GUF1: variants seen among roughly 807,000 people sequenced by gnomAD.
The protein encoded by GUF1 is GTP binding elongation factor GUF1.
In GUF1, 78 loss-of-function variants were observed where a neutral mutation model predicts 82.4. The observed-to-expected ratio is 0.95, with a 90% CI of 0.79 to 1.14. The LOEUF (loss-of-function observed/expected upper bound fraction) is 1.14, where lower values mean the gene tolerates loss of function less well. Ranked by LOEUF, GUF1 falls within the 50% of genes most tolerant of loss-of-function variation. The probability of loss-of-function intolerance (pLI) is 0.00; values close to 1 mark genes in which losing one functional copy is unlikely to be tolerated. For synonymous variants in GUF1, 279 were observed against 282.3 expected, an observed-to-expected ratio of 0.99 and a Z score of 0.12; for missense variants, 814 against 798.2, an observed-to-expected ratio of 1.02 and a Z score of -0.24.
intron 9 of GUF1, among the ~76,000 whole-genome samples, chr4:44,688,403 ATTTC>A (rs149943668): frequency 0.012 from 1,857 of 151,904 alleles, 14 homozygotes; most frequent in Middle Eastern, 0.041. Context: ...AGTAATATAA[ATTTC>A]TTTCTTATTT....
rs1716093208 is a variant in GUF1, at chr4:44,699,642, A to G, written c.*961A>G. 1 of 152,220 alleles carries G rather than the reference A, an allele frequency of 6.6e-6. No individual in the cohort carries two copies. 9.4% of individuals were successfully genotyped at this position (152,220 alleles called of 1,614,324 possible). A position where few individuals can be genotyped will look rare whatever the true frequency, so the allele number is the denominator to read the frequency against. ...TTTTCAGAATCACCTTAAGTGTCAA[A>G]TTTGTTAGCAGGATTAATTGATATG... On this transcript the variant is annotated 3_prime_UTR_variant, in exon 17 of 17. Coordinates refer to ENST00000281543, the MANE Select transcript of GUF1 (RefSeq NM_021927.3).
In GUF1 at chr4:44,686,350, T is replaced by G. The variant is rs576915538; in HGVS notation, c.735-160T>G. 2.6e-5 allele frequency among the ~76,000 whole-genome samples: 4 copies of G among 152,124 alleles called. No homozygotes were observed. The South Asian group carries it at 8.3e-4, about 32-fold the overall frequency. Reference sequence around the variant, plus strand: ...ATAAATAATTTGTTAAAACTAGAGGTTATTAAATCTAATATATTTTATAAA... The same window carrying G: ...ATAAATAATTTGTTAAAACTAGAGGGTATTAAATCTAATATATTTTATAAA... On this transcript the variant is annotated intron_variant, in intron 7 of 16. Coordinates refer to ENST00000281543, the MANE Select transcript of GUF1 (RefSeq NM_021927.3).
rs573136325 is a variant in GUF1, at chr4:44,695,851, C to G, written c.1835+117C>G. On this transcript the variant is annotated intron_variant, in intron 15 of 16. Transcript: ENST00000281543. ...GCCTAAGCTTTCTTACTTGTAGAAA[C>G]AGTATGATGGTGCTCTCCAGTTTTC... The G allele has an allele frequency of 2.5e-5, 25 of 1,005,246 alleles. 1 individual carries two copies. The South Asian group carries it at 3.6e-4, about 14-fold the overall frequency. The allele number at this position is 1,005,246 out of a possible 1,614,324, so 62.3% of individuals were successfully genotyped here.
chr4:44,694,292 A>C lies in GUF1; in HGVS notation c.1614-120A>C, dbSNP rs752613167. The C allele has an allele frequency of 1.4e-3, 924 of 663,884 alleles. 1 individual carries two copies. Among genetic ancestry groups the C allele is most frequent in the Non-Finnish European group, 2.3e-3 (859 of 371,844 alleles). 41.1% of individuals were successfully genotyped at this position (663,884 alleles called of 1,614,324 possible). On this transcript the variant is annotated intron_variant, in intron 13 of 16. Transcript: ENST00000281543. ...ACTGTATATGTAATATTTTGATGGAAACATATCTCTTTGGGGAGTGTAATG... is the reference window on the plus strand; with the variant it reads ...ACTGTATATGTAATATTTTGATGGACACATATCTCTTTGGGGAGTGTAATG...
intron 4 of GUF1, 170 bp from the exon 5 acceptor site, chr4:44,682,164 A>G (rs897712281): frequency 8.0e-5 from 32 of 397,632 alleles, no homozygotes; most frequent in Non-Finnish European, 1.4e-4. Flanking sequence ...CCCCAAAGAC[A>G]TAAGTTGGAG....
In GUF1 at chr4:44,688,059, G is replaced by A; in HGVS notation, c.991G>A (p.Ala331Thr). ...TGCTGGGATGAAAGATGTCACTGAA[G>A]CGCAAATAGGAGATACATTATGTTT... is the stretch of plus-strand genomic sequence containing the variant. ...LIAGMKDVTE[A>T]QIGDTLCLHK... The change falls in exon 9 of 17, where the codon GCG (alanine) becomes ACG (threonine). Residue 331 changes from alanine (A) to threonine (T), a missense_variant. Transcript: ENST00000281543. 6.2e-7 allele frequency: 1 copy of A among 1,612,424 alleles called. No individual in the cohort carries two copies. Among genetic ancestry groups the A allele is most frequent in the Non-Finnish European group, 8.5e-7 (1 of 1,178,770 alleles).
chr4:44,681,203 G>C lies in GUF1; in HGVS notation c.507G>C (p.Glu169Asp). 6.2e-7 allele frequency: 1 copy of C among 1,605,052 alleles called. No homozygotes were observed. Among genetic ancestry groups the C allele is most frequent in the South Asian group, 1.1e-5 (1 of 90,888 alleles). ...TTTTACTTGTGGTTGATGCAAATGA[G>C]GTAGGTATTTTTCATTTTGTATGAT... ...QGVLLVVDAN[E>D]GIQAQTVANF... Residue 169 changes from glutamate to aspartate, a missense_variant and splice_region_variant, in exon 4 of 17, where the codon GAG (glutamate) becomes GAC (aspartate). Physicochemically the swap from Glu to Asp is conservative, Grantham distance 45. Coordinates refer to ENST00000281543, the MANE Select transcript of GUF1 (RefSeq NM_021927.3).
At chr4:44,681,291 GA>G in intron 4 of GUF1, 88 bp downstream of exon 4, 1 of 939,980 alleles carries the variant, frequency 1.1e-6, no homozygotes, top group East Asian at 2.4e-5. Flanking sequence ...TTTGGAAATA[GA>G]ATTTTTGTGT....
Position 44,680,644 on chromosome 4 carries a change from C to CT in GUF1, c.278-40dup, listed in dbSNP as rs754058609. The stretch of plus-strand genomic sequence containing the variant: ...ATTTTAATTTTATAAGTAATATTCT[C>CT]TTTTTTTTTTAAAGCCCAGAGAAAT... On this transcript the variant is annotated intron_variant, in intron 2 of 16. Coordinates refer to ENST00000281543, the MANE Select transcript of GUF1 (RefSeq NM_021927.3). 8,416 of 1,205,270 alleles carry CT rather than the reference C, an allele frequency of 7.0e-3. 1 individual carries two copies. Among genetic ancestry groups the CT allele is most frequent in the South Asian group, 9.7e-3 (566 of 58,310 alleles). 74.7% of individuals were successfully genotyped at this position (1,205,270 alleles called of 1,614,324 possible).
rs1409736634 is a variant in GUF1, at chr4:44,685,950, T to C, written c.670-9T>C. ...TAAATGCTTATATTTTTCACATGTA[T>C]CTTTTTAGATTTCTGCTAAACTTGG... On this transcript the variant is annotated splice_polypyrimidine_tract_variant and intron_variant, in intron 6 of 16. Transcript: ENST00000281543. 6.3e-7 allele frequency: 1 copy of C among 1,578,664 alleles called. No individual in the cohort carries two copies. The highest frequency in any genetic ancestry group is 1.1e-5 in the South Asian group (1 of 90,284).
chr4:44,694,450 T>G lies in GUF1; in HGVS notation c.1652T>G (p.Leu551Arg). 6.2e-7 allele frequency: 1 copy of G among 1,612,764 alleles called. No homozygotes were observed. The highest frequency in any genetic ancestry group is 8.5e-7 in the Non-Finnish European group (1 of 1,179,144). ...YEDAGYQTAELVKMDILLNGN... is the reference protein window; with the variant it reads ...YEDAGYQTAERVKMDILLNGN... ...GATGCAGGCTACCAGACTGCAGAACTTGTAAAAATGGATATTCTACTGAAT... is the reference window on the plus strand; with the variant it reads ...GATGCAGGCTACCAGACTGCAGAACGTGTAAAAATGGATATTCTACTGAAT... Residue 551 changes from leucine to arginine, a missense_variant, in exon 14 of 17, where the codon CTT becomes CGT. By Grantham distance (102) the Leu-to-Arg change is moderately radical. Coordinates refer to ENST00000281543, the MANE Select transcript of GUF1 (RefSeq NM_021927.3).
In GUF1 at chr4:44,689,369, G is replaced by A. The variant is rs150129693; in HGVS notation, c.1162G>A (p.Val388Ile). Residue 388 changes from valine (V) to isoleucine (I), a missense_variant, in exon 10 of 17, where the codon GTT becomes ATT. Transcript: ENST00000281543. ...KLTLNDSSVT[V>I]HRDSSLALGA... ...GACTTTAAATGATTCCAGTGTGACC[G>A]TTCATCGGGATAGTAGCCTTGCTCT... The A allele has an allele frequency of 3.7e-6, 6 of 1,608,934 alleles. No homozygotes were observed. In the African/African-American group the frequency reaches 4.0e-5, roughly 11 times the overall value.
At position 44,678,674 on chromosome 4, in the gene GUF1, C is replaced by T; in HGVS notation, c.52C>T (p.Arg18Ter). Residue 18 changes from arginine (R) to a stop codon, truncating the protein, a stop_gained, in exon 1 of 17, where the codon CGA becomes TGA. Coordinates refer to ENST00000281543, the MANE Select transcript of GUF1 (RefSeq NM_021927.3). LOFTEE classifies it high-confidence loss of function. ...GGGGTGCGCACGCGCTCTCGCGCCA[C>T]GAGCCACTGGGGCCGCGCTTCTGGT... is the stretch of plus-strand genomic sequence containing the variant. ...GWGCARALAP[R>*]ATGAALLVAP... 6.7e-7 allele frequency: 1 copy of T among 1,492,128 alleles called. No homozygotes were observed. Among genetic ancestry groups the T allele is most frequent in the South Asian group, 1.4e-5 (1 of 71,000 alleles). 92.4% of individuals were successfully genotyped at this position (1,492,128 alleles called of 1,614,324 possible).
At position 44,680,479 on chromosome 4, in the gene GUF1, T is replaced by C; in HGVS notation, c.204T>C (p.Ile68=). 1.2e-6 allele frequency: 2 copies of C among 1,607,902 alleles called. No individual in the cohort carries two copies. The highest frequency in any genetic ancestry group is 3.4e-5 in the Admixed American group (2 of 59,558). ...LDMSRFPVEN[I]RNFSIVAHVD... The stretch of plus-strand genomic sequence containing the variant: ...TGTCTAGGTTTCCTGTTGAAAATAT[T>C]AGAAATTTCAGTATTGTTGCACACG... The change falls in exon 2 of 17, where the codon ATT becomes ATC. Residue 68 remains isoleucine (I), a synonymous_variant. Transcript: ENST00000281543.
At position 44,689,886 on chromosome 4, in the gene GUF1, C is replaced by T. The variant is rs375135916; in HGVS notation, c.1246C>T (p.Arg416Ter). 26 of 1,604,512 alleles carry T rather than the reference C, an allele frequency of 1.6e-5. No homozygotes were observed. Among genetic ancestry groups the T allele is most frequent in the Middle Eastern group, 3.3e-4 (2 of 6,026 alleles). Residue 416 changes from arginine (R) to a stop codon, truncating the protein, a stop_gained, in exon 11 of 17, where the codon CGA (arginine) becomes TGA (stop). Coordinates refer to ENST00000281543, the MANE Select transcript of GUF1 (RefSeq NM_021927.3). LOFTEE classifies it high-confidence loss of function. Reference protein sequence around the residue: ...GLLHMEVFNQRLEQEYNASVI... With the variant: ...GLLHMEVFNQ The stretch of plus-strand genomic sequence containing the variant: ...TTTGCACATGGAAGTTTTCAACCAG[C>T]GACTGGAGCAAGAATATAATGCTTC...
At chr4:44,679,972 T>C (rs756592352) in intron 1 of GUF1, among the ~76,000 whole-genome samples, 15 of 152,148 alleles carry the variant, frequency 9.9e-5, no homozygotes, top group South Asian at 4.1e-4. Flanking sequence ...GTAGCAAAAT[T>C]GTATTTAAAA....
At position 44,689,859 on chromosome 4, in the gene GUF1, C is replaced by A; in HGVS notation, c.1219C>A (p.Leu407Ile). ...GAGWRLGFLG[L>I]LHMEVFNQRL... ...CTCCCCCAGGCTAGGATTTCTTGGA[C>A]TTTTGCACATGGAAGTTTTCAACCA... Residue 407 changes from leucine (L) to isoleucine (I), a missense_variant, in exon 11 of 17, where the codon CTT becomes ATT. Transcript: ENST00000281543. 1 of 1,601,634 alleles carries A rather than the reference C, an allele frequency of 6.2e-7. No individual in the cohort carries two copies. Among genetic ancestry groups the A allele is most frequent in the Non-Finnish European group, 8.5e-7 (1 of 1,172,520 alleles).
At chr4:44,696,381 T>C (rs552472743) in intron 15 of GUF1, among the ~76,000 whole-genome samples, 9 of 152,292 alleles carry the variant, frequency 5.9e-5, no homozygotes, top group African/African-American at 1.9e-4. Context: ...GGAGTATTGC[T>C]GTGAGACTAG....
At chr4:44,685,726 C>A (rs1433676524) in intron 6 of GUF1, among the ~76,000 whole-genome samples, 1 of 151,958 alleles carries the variant, frequency 6.6e-6, no homozygotes. Flanking sequence ...TCTTTCAATA[C>A]CATAATTAGG....
Sources: allele counts gnomAD v4.1 joint callset (sites outside exome capture counted in the v4.1 genomes callset), GRCh38; gene constraint gnomAD v4.1.1; transcripts MANE v1.5; gene names NCBI Gene and HGNC (gene_info 2026-07-23, HGNC 2026-07-21).